ZFAND4: variants seen among roughly 807,000 people sequenced by gnomAD.
ZFAND4 encodes the protein zinc finger AN1-type containing 4, also known as AN1-type zinc finger protein 4.
A neutral mutation model predicts 64.4 loss-of-function variants in ZFAND4; 43 were observed. The ratio of observed to expected loss-of-function variants is 0.67; its 90% CI spans 0.52 to 0.86. The LOEUF is 0.86. ZFAND4 is among the 40% of genes least tolerant of loss of function. The probability of loss-of-function intolerance (pLI) is 0.00; values close to 1 mark genes in which losing one functional copy is unlikely to be tolerated. For missense variants in ZFAND4, 929 were observed against 859.8 expected, an observed-to-expected ratio of 1.08 and a Z score of -1.01; for synonymous variants, 296 against 305.7, an observed-to-expected ratio of 0.97 and a Z score of 0.33.
chr10:45,638,212 G>A (rs1036201843), intron 6 of ZFAND4, among the ~76,000 whole-genome samples: 15 of 151,054 alleles, frequency 9.9e-5, no homozygotes, highest in East Asian at 1.9e-4. Context: ...GGCCGGGCGC[G>A]GTGGCTCATG....
At chr10:45,666,752 T>C (rs975059694) in intron 1 of ZFAND4, among the ~76,000 whole-genome samples, 2 of 152,222 alleles carry the variant, frequency 1.3e-5, no homozygotes, top group Admixed American at 6.5e-5. Flanking sequence ...TGTTCCAGTA[T>C]CATTTGTCAG....
rs1240678267 is a variant in ZFAND4, at chr10:45,616,896, T to G, written c.2049-325A>C. ...GATCTCCAGGCCATCCAGGCCAACA[T>G]GATGAAAACCCATCTCTATTAAAAA... On this transcript the variant is annotated intron_variant, in intron 9 of 9. Coordinates refer to ENST00000344646, the MANE Select transcript of ZFAND4 (RefSeq NM_174890.4). 2.6e-5 allele frequency among the ~76,000 whole-genome samples: 4 copies of G among 151,904 alleles called. No individual in the cohort carries two copies. In the East Asian group the frequency reaches 7.8e-4, roughly 29 times the overall value.
chr10:45,631,298 C>T, intron 6 of ZFAND4, among the ~76,000 whole-genome samples: 1 of 142,278 alleles, frequency 7.0e-6, no homozygotes, highest in African/African-American at 2.6e-5. Flanking sequence ...GCCTGGGCAA[C>T]ACAGCAAGAC....
rs933429624 is a variant in ZFAND4, at chr10:45,615,824, C to T, written c.*612G>A. 3.3e-5 allele frequency: 5 copies of T among 151,874 alleles called. No individual in the cohort carries two copies. Among genetic ancestry groups the T allele is most frequent in the African/African-American group, 9.7e-5 (4 of 41,358 alleles). The allele number at this position is 151,874 out of a possible 1,614,324, so 9.4% of individuals were successfully genotyped here. On this transcript the variant is annotated 3_prime_UTR_variant, in exon 10 of 10. Transcript: ENST00000344646. ...GTGTTTTATAGAATGGATTCATGTCCGAATACTAATCTGAATGTGGAAGAA... is the reference window on the plus strand; with the variant it reads ...GTGTTTTATAGAATGGATTCATGTCTGAATACTAATCTGAATGTGGAAGAA...
chr10:45,660,543 A>C (rs1157326539), intron 2 of ZFAND4, among the ~76,000 whole-genome samples: 1 of 152,160 alleles, frequency 6.6e-6, no homozygotes, highest in African/African-American at 2.4e-5. Context: ...GAAACATACC[A>C]AACCACAGAT....
At position 45,648,286 on chromosome 10, in the gene ZFAND4, T is replaced by C; in HGVS notation, c.569+8A>G. 6.3e-7 allele frequency: 1 copy of C among 1,585,018 alleles called. No homozygotes were observed. The highest frequency in any genetic ancestry group is 8.6e-7 in the Non-Finnish European group (1 of 1,167,330). On this transcript the variant is annotated splice_region_variant and intron_variant, in intron 5 of 9. Coordinates refer to ENST00000344646, the MANE Select transcript of ZFAND4 (RefSeq NM_174890.4). ...ACAACACAAGGTAAACAAAAGTTTATGGAGTACCTCATACGATGTTCTCCT... is the reference window on the plus strand; with the variant it reads ...ACAACACAAGGTAAACAAAAGTTTACGGAGTACCTCATACGATGTTCTCCT...
intron 9 of ZFAND4, among the ~76,000 whole-genome samples, chr10:45,617,419 G>A (rs367933141): frequency 1.6e-4 from 24 of 151,950 alleles, no homozygotes; most frequent in African/African-American, 5.6e-4. Context: ...CTTGAGGCCA[G>A]GAGTTTGAGA....
In ZFAND4 at chr10:45,616,423, T is replaced by C. The variant is rs2133478220; in HGVS notation, c.*13A>G. The C allele has an allele frequency of 1.9e-6, 3 of 1,613,818 alleles. No homozygotes were observed. The highest frequency in any genetic ancestry group is 2.5e-6 in the Non-Finnish European group (3 of 1,179,888). On this transcript the variant is annotated 3_prime_UTR_variant, in exon 10 of 10. Coordinates refer to ENST00000344646, the MANE Select transcript of ZFAND4 (RefSeq NM_174890.4). ...ACGAATCCCGGGCAGAACAGTAAGA[T>C]GTAGAGGAAGAGTTAGATTTTTGGA... is the stretch of plus-strand genomic sequence containing the variant.
chr10:45,618,393 A>T, intron 8 of ZFAND4, 133 bp from the exon 9 acceptor site: 3 of 1,115,402 alleles, frequency 2.7e-6, no homozygotes, highest in Non-Finnish European at 3.7e-6. Flanking sequence ...TGCTATTTTT[A>T]TATCTAAAAT....
In ZFAND4 at chr10:45,626,536, A is replaced by G. The variant is rs2045839698; in HGVS notation, c.1287T>C (p.Thr429=). 1 of 1,614,110 alleles carries G rather than the reference A, an allele frequency of 6.2e-7. No individual in the cohort carries two copies. The highest frequency in any genetic ancestry group is 8.5e-7 in the Non-Finnish European group (1 of 1,180,044). Residue 429 remains threonine, a synonymous_variant, in exon 7 of 10, where the codon ACT becomes ACC. Coordinates refer to ENST00000344646, the MANE Select transcript of ZFAND4 (RefSeq NM_174890.4). ...ACKVNLELLL[T]NADKGLKAPE... is the part of the protein sequence containing the mutation. ...GAGCTTTCAACCCTTTGTCAGCATTAGTGAGTAGCAACTCCAGATTCACTT... is the reference window on the plus strand; with the variant it reads ...GAGCTTTCAACCCTTTGTCAGCATTGGTGAGTAGCAACTCCAGATTCACTT...
intron 8 of ZFAND4, 133 bp from the exon 9 acceptor site, chr10:45,618,393 A>G (rs1265946094): frequency 7.2e-6 from 8 of 1,115,284 alleles, no homozygotes; most frequent in African/African-American, 6.5e-5. Flanking sequence ...TGCTATTTTT[A>G]TATCTAAAAT....
rs558171585 is a variant in ZFAND4 at position 45,659,886 on chromosome 10, T to C, written c.184+3656A>G. Among the ~76,000 whole-genome samples, 6 of 152,152 alleles carry C rather than the reference T, an allele frequency of 3.9e-5. No individual in the cohort carries two copies. The South Asian group carries it at 8.3e-4, about 21-fold the overall frequency. On this transcript the variant is annotated intron_variant, in intron 2 of 9. Coordinates refer to ENST00000344646, the MANE Select transcript of ZFAND4 (RefSeq NM_174890.4). The stretch of plus-strand genomic sequence containing the variant: ...GAAAAGAATTGGGAAGTTTGAAAAA[T>C]GGCAACAGAGGCCGGGCGCGGTGGC...
intron 2 of ZFAND4, among the ~76,000 whole-genome samples, 159 bp downstream of exon 2, chr10:45,663,383 T>C (rs1386422999): frequency 1.3e-5 from 2 of 152,206 alleles, no homozygotes; most frequent in Non-Finnish European, 2.9e-5. Flanking sequence ...GTTCATAAGC[T>C]GATAAATGTT....
chr10:45,652,582 A>C (rs1392766617), intron 3 of ZFAND4, among the ~76,000 whole-genome samples: 1 of 152,196 alleles, frequency 6.6e-6, no homozygotes, highest in Admixed American at 6.5e-5. Flanking sequence ...TAACAAAAGG[A>C]GGGCTTAATG....
intron 5 of ZFAND4, among the ~76,000 whole-genome samples, chr10:45,643,186 C>G (rs889310655): frequency 6.6e-6 from 1 of 151,254 alleles, no homozygotes; most frequent in Non-Finnish European, 1.5e-5. Context: ...TCCCAAAGTG[C>G]TGGGATTACA....
chr10:45,640,352 G>GA (rs757636671), intron 5 of ZFAND4: 1 of 1,264,882 alleles, frequency 7.9e-7, no homozygotes, highest in Middle Eastern at 2.2e-4. Flanking sequence ...AGATTTCCAT[G>GA]AATCAGAATT....
At chr10:45,632,319 T>C (rs1056802502) in intron 6 of ZFAND4, among the ~76,000 whole-genome samples, 2 of 152,036 alleles carry the variant, frequency 1.3e-5, no homozygotes, top group African/African-American at 2.4e-5. Flanking sequence ...GATCGTGCCA[T>C]TGCACTCCAG....
chr10:45,630,768 A>T (rs527473870), intron 6 of ZFAND4, among the ~76,000 whole-genome samples: 63 of 151,970 alleles, frequency 4.1e-4, no homozygotes, highest in African/African-American at 1.5e-3. Context: ...CAGCCAAAAG[A>T]ATAAAAATAA....
At chr10:45,651,499 C>T (rs942401693) in intron 4 of ZFAND4, 1 of 461,960 alleles carries the variant, frequency 2.2e-6, no homozygotes, top group Non-Finnish European at 4.5e-6. Flanking sequence ...TTCAGAACTA[C>T]TTATATTCTG....
Sources: allele counts gnomAD v4.1 joint callset (sites outside exome capture counted in the v4.1 genomes callset), GRCh38; gene constraint gnomAD v4.1.1; transcripts MANE v1.5; gene names NCBI Gene and HGNC (gene_info 2026-07-23, HGNC 2026-07-21).